GPSM2: variants seen among roughly 807,000 people sequenced by gnomAD.
The protein encoded by GPSM2 is G protein signaling modulator 2.
A neutral mutation model predicts 78.4 loss-of-function variants in GPSM2; 58 were observed. The ratio of observed to expected loss-of-function variants is 0.74; its 90% CI spans 0.60 to 0.92. The LOEUF (loss-of-function observed/expected upper bound fraction) is 0.92, where lower values mean the gene tolerates loss of function less well. Among genes scored for constraint, GPSM2 ranks in the 40% least tolerant of loss-of-function variants. The pLI, the probability that GPSM2 is intolerant of heterozygous loss-of-function variation, is 0.00. For synonymous variants in GPSM2, 224 were observed against 280.2 expected (o/e 0.80, Z 2.00); for missense variants, 700 against 815.5 (o/e 0.86, Z 1.73).
intron 12 of GPSM2, among the ~76,000 whole-genome samples, chr1:108,919,435 G>A (rs534866189): frequency 2.2e-4 from 33 of 152,266 alleles, no homozygotes; most frequent in Non-Finnish European, 4.6e-4. Flanking sequence ...GATGCTCAAG[G>A]ATTTCTAAAT....
At chr1:108,910,348 C>G (rs1649633840) in intron 10 of GPSM2, among the ~76,000 whole-genome samples, 1 of 152,060 alleles carries the variant, frequency 6.6e-6, no homozygotes, top group Admixed American at 6.5e-5. Context: ...TGAGGTAAAC[C>G]AGCCACTTAA....
In GPSM2 at chr1:108,931,263, A is replaced by G; in HGVS notation, c.*1323A>G. 1 of 1,455,656 alleles carries G rather than the reference A, an allele frequency of 6.9e-7. No homozygotes were observed. Among genetic ancestry groups the G allele is most frequent in the East Asian group, 2.5e-5 (1 of 39,678 alleles). The allele number at this position is 1,455,656 out of a possible 1,614,324, so 90.2% of individuals were successfully genotyped here. On this transcript the variant is annotated 3_prime_UTR_variant, in exon 15 of 15. Transcript: ENST00000264126. ...CACAAAAATTAAATATGAAAGAAAG[A>G]TGTCAGCTAGAACCTTAGTTGTCAT...
At chr1:108,887,932 G>A (rs1647690137) in intron 2 of GPSM2, among the ~76,000 whole-genome samples, 1 of 152,112 alleles carries the variant, frequency 6.6e-6, no homozygotes, top group Non-Finnish European at 1.5e-5. Context: ...AACAAAACAA[G>A]GCTATCTGCA....
intron 10 of GPSM2, among the ~76,000 whole-genome samples, chr1:108,907,051 T>C (rs757614111): frequency 1.3e-4 from 20 of 152,192 alleles, no homozygotes; most frequent in Non-Finnish European, 2.1e-4. Context: ...CTCACCATGG[T>C]TGAAAGGCCC....
chr1:108,889,068 C>T (rs888648298), intron 2 of GPSM2, among the ~76,000 whole-genome samples: 3 of 152,178 alleles, frequency 2.0e-5, no homozygotes, highest in Non-Finnish European at 4.4e-5. Flanking sequence ...TCATGTGCAT[C>T]CTCCCAGTTG....
Position 108,898,631 on chromosome 1 carries a change from C to A in GPSM2, c.558-11C>A. 1 of 1,611,912 alleles carries A rather than the reference C, an allele frequency of 6.2e-7. No homozygotes were observed. The highest frequency in any genetic ancestry group is 8.5e-7 in the Non-Finnish European group (1 of 1,178,692). On this transcript the variant is annotated splice_polypyrimidine_tract_variant and intron_variant, in intron 5 of 14. Coordinates refer to ENST00000264126, the MANE Select transcript of GPSM2 (RefSeq NM_013296.5). Reference sequence around the variant, plus strand: ...AAACTTATTTTTTCATCACTTTTTGCGATCCCTTAGGGAAAACCTATCATT... The same window carrying A: ...AAACTTATTTTTTCATCACTTTTTGAGATCCCTTAGGGAAAACCTATCATT...
At chr1:108,910,496 C>T (rs2101479672) in intron 10 of GPSM2, among the ~76,000 whole-genome samples, 1 of 152,240 alleles carries the variant, frequency 6.6e-6, no homozygotes, top group Admixed American at 6.5e-5. Flanking sequence ...AAATTACCGG[C>T]CAGCCTTACT....
intron 14 of GPSM2, among the ~76,000 whole-genome samples, chr1:108,924,756 A>G (rs750776426): frequency 2.6e-5 from 4 of 151,994 alleles, no homozygotes; most frequent in Admixed American, 2.0e-4. Context: ...GCATGGGATG[A>G]GTAGGGGAAG....
chr1:108,915,368 C>CAA (rs778325980), intron 11 of GPSM2, among the ~76,000 whole-genome samples: 25 of 91,150 alleles, frequency 2.7e-4, no homozygotes, highest in East Asian at 2.0e-3. Context: ...AGACTTGTCT[C>CAA]AAAAAAAAAA....
chr1:108,897,619 A>G lies in GPSM2; in HGVS notation c.406A>G (p.Asn136Asp). The G allele has an allele frequency of 6.2e-7, 1 of 1,613,712 alleles. No homozygotes were observed. Among genetic ancestry groups the G allele is most frequent in the Admixed American group, 1.7e-5 (1 of 60,024 alleles). The stretch of plus-strand genomic sequence containing the variant: ...ACACCTAGATATTTCCAGAGAGCTT[A>G]ATGACAAGGTAATACCGCAGCATTA... ...QRHLDISRELNDKVGEARALY... is the reference protein window; with the variant it reads ...QRHLDISRELDDKVGEARALY... The change falls in exon 4 of 15, where the codon AAT becomes GAT. Residue 136 changes from asparagine to aspartate, a missense_variant. Asn to Asp is a conservative substitution (Grantham distance 23). Transcript: ENST00000264126.
At chr1:108,895,811 C>A (rs1161053123) in intron 2 of GPSM2, among the ~76,000 whole-genome samples, 7 of 152,092 alleles carry the variant, frequency 4.6e-5, no homozygotes, top group African/African-American at 1.7e-4. Context: ...CCCTGCCACC[C>A]GTCCATGGAA....
At chr1:108,902,253 C>T (rs1160084007) in intron 8 of GPSM2, among the ~76,000 whole-genome samples, 2 of 151,862 alleles carry the variant, frequency 1.3e-5, no homozygotes, top group African/African-American at 4.8e-5. Flanking sequence ...TGGTGGCGCA[C>T]GCTTGTAATC....
rs1651916667 is a variant in GPSM2 at position 108,931,321 on chromosome 1, GGC to G, written c.*1382_*1383del. The G allele has an allele frequency of 6.5e-7, 1 of 1,547,322 alleles. No homozygotes were observed. The highest frequency in any genetic ancestry group is 8.7e-7 in the Non-Finnish European group (1 of 1,145,042). ...TGTCTTCCTTATCCCAGATATTGAA[GGC>G]AGTTTACAAGGGGATGATAACAAAG... On this transcript the variant is annotated 3_prime_UTR_variant, in exon 15 of 15. Coordinates refer to ENST00000264126, the MANE Select transcript of GPSM2 (RefSeq NM_013296.5).
chr1:108,895,162 G>A (rs898014296), intron 2 of GPSM2, among the ~76,000 whole-genome samples: 6 of 152,152 alleles, frequency 3.9e-5, no homozygotes, highest in Non-Finnish European at 8.8e-5. Context: ...TCACCCAGAG[G>A]GTGGAGTTCA....
chr1:108,914,301 T>C, intron 10 of GPSM2, 37 bp from the exon 11 acceptor site: 1 of 1,385,454 alleles, frequency 7.2e-7, no homozygotes, highest in Non-Finnish European at 1.0e-6. Flanking sequence ...TCTTAAGGGC[T>C]CCCTGGTTTA....
Position 108,917,625 on chromosome 1 carries a change from T to TC in GPSM2, c.1264-988_1264-987insC. ...ACACACACACACATATATATATATA[T>TC]ATATATATATATATATATATATATA... On this transcript the variant is annotated intron_variant, in intron 11 of 14. Coordinates refer to ENST00000264126, the MANE Select transcript of GPSM2 (RefSeq NM_013296.5). Among the ~76,000 whole-genome samples the TC allele has an allele frequency of 1.7e-4, 2 of 11,540 alleles. 1 individual carries two copies. The highest frequency in any genetic ancestry group is 3.0e-3 in the East Asian group (2 of 672). The allele number at this position is 11,540 out of a possible 152,430, so 7.6% of individuals were successfully genotyped here.
At position 108,932,541 on chromosome 1, in the gene GPSM2, A is replaced by T. The variant is rs1652173175; in HGVS notation, c.*2601A>T. On this transcript the variant is annotated 3_prime_UTR_variant, in exon 15 of 15. Transcript: ENST00000264126. ...TACAAAGGTGAAATTTTATTTAAAA[A>T]TTTTTTAAAAGAATTTGGTTTTGGA... 6.6e-6 allele frequency: 1 copy of T among 152,214 alleles called. No individual in the cohort carries two copies. Among genetic ancestry groups the T allele is most frequent in the Non-Finnish European group, 1.5e-5 (1 of 68,038 alleles). 9.4% of individuals were successfully genotyped at this position (152,214 alleles called of 1,614,324 possible). A position where few individuals can be genotyped will look rare whatever the true frequency, so the allele number is the denominator to read the frequency against.
chr1:108,908,452 G>A (rs1041219907), intron 10 of GPSM2, among the ~76,000 whole-genome samples: 2 of 151,826 alleles, frequency 1.3e-5, no homozygotes, highest in Non-Finnish European at 2.9e-5. Flanking sequence ...GGGAAGCCGA[G>A]GCACGTGGAT....
intron 11 of GPSM2, among the ~76,000 whole-genome samples, chr1:108,917,611 C>CACATATAT (rs1312607573): frequency 7.5e-4 from 17 of 22,642 alleles, no homozygotes; most frequent in Non-Finnish European, 9.4e-4. Flanking sequence ...CACACACACA[C>CACATATAT]ATATATATAT....
Sources: allele counts gnomAD v4.1 joint callset (sites outside exome capture counted in the v4.1 genomes callset), GRCh38; gene constraint gnomAD v4.1.1; transcripts MANE v1.5; gene names NCBI Gene and HGNC (gene_info 2026-07-23, HGNC 2026-07-21).